Variants in TEX11 observed in about 807,000 individuals in gnomAD.
The protein encoded by TEX11 is testis expressed 11.
In TEX11, 7 loss-of-function variants were observed where a neutral mutation model predicts 84.4. The observed-to-expected ratio is 0.08, with a 90% CI of 0.05 to 0.16. The LOEUF (loss-of-function observed/expected upper bound fraction) is 0.16. Ranked by LOEUF, TEX11 falls within the 10% of genes least tolerant of loss-of-function variation. The probability of loss-of-function intolerance (pLI) is 1.00; values close to 1 mark genes in which losing one functional copy is unlikely to be tolerated. For missense variants in TEX11, 551 were observed against 660.5 expected (o/e 0.83, Z 1.82); for synonymous variants, 264 against 222.8 (o/e 1.18, Z -1.64).
intron 13 of TEX11, among the ~76,000 whole-genome samples, chrX:70,695,253 C>A (rs1458949521): frequency 8.9e-6 from 1 of 112,011 alleles, no homozygotes; most frequent in Non-Finnish European, 1.9e-5. Flanking sequence ...AATAGATAAA[C>A]AAATTGTAGG....
Position 70,848,956 on chromosome X carries a change from C to T in TEX11, c.525+4078G>A, listed in dbSNP as rs150653689. Among the ~76,000 whole-genome samples, 324 of 111,742 alleles carry T rather than the reference C, an allele frequency of 2.9e-3. 2 individuals are homozygous for T. Among genetic ancestry groups the T allele is most frequent in the African/African-American group, 9.8e-3 (301 of 30,800 alleles). On this transcript the variant is annotated intron_variant, in intron 7 of 29. Transcript: ENST00000374333. ...ATGCACACTGCAGAAAGAGGCATTG[C>T]CAGTAACCAAGGGAAATGGGGAATT...
At chrX:70,576,461 G>A (rs369675947) in intron 25 of TEX11, among the ~76,000 whole-genome samples, 1 of 111,984 alleles carries the variant, frequency 8.9e-6, no homozygotes, top group African/African-American at 3.2e-5. Context: ...AATTATTAAA[G>A]TACTATGTAT....
chrX:70,775,160 CCT>C (rs1170706462), intron 9 of TEX11, among the ~76,000 whole-genome samples: 1 of 111,438 alleles, frequency 9.0e-6, no homozygotes, highest in Non-Finnish European at 1.9e-5. Context: ...AAATTGAACC[CCT>C]GTCTCTCACC....
chrX:70,813,307 T>A (rs1224228396), intron 8 of TEX11, among the ~76,000 whole-genome samples: 1 of 111,715 alleles, frequency 9.0e-6, no homozygotes, highest in Non-Finnish European at 1.9e-5. Flanking sequence ...CGCAAATCAA[T>A]GAATGTAATC....
At chrX:70,595,656 A>G (rs1300819029) in intron 24 of TEX11, among the ~76,000 whole-genome samples, 3 of 111,708 alleles carry the variant, frequency 2.7e-5, no homozygotes, top group African/African-American at 9.8e-5. Context: ...TCATTAAAAG[A>G]ACAAAAATGT....
chrX:70,763,973 T>C (rs2090925094), intron 9 of TEX11, among the ~76,000 whole-genome samples: 1 of 112,143 alleles, frequency 8.9e-6, no homozygotes, highest in African/African-American at 3.2e-5. Flanking sequence ...ATTTGCACTA[T>C]AGAACATATG....
chrX:70,565,568 AT>A (rs1198833119), intron 25 of TEX11, among the ~76,000 whole-genome samples: 3 of 111,106 alleles, frequency 2.7e-5, no homozygotes, highest in Non-Finnish European at 5.6e-5. Context: ...TCCATCGTGA[AT>A]TGATTTTTGT....
chrX:70,870,492 C>T (rs758056106), intron 4 of TEX11, among the ~76,000 whole-genome samples: 19 of 110,625 alleles, frequency 1.7e-4, no homozygotes, highest in Non-Finnish European at 2.8e-4. Context: ...CCCACCACCA[C>T]GCATGGCTAA....
chrX:70,650,560 A>G (rs1469509868), intron 17 of TEX11, among the ~76,000 whole-genome samples: 1 of 111,579 alleles, frequency 9.0e-6, no homozygotes, highest in Non-Finnish European at 1.9e-5. Context: ...CAGCAATATT[A>G]ACCTCTAATT....
chrX:70,515,743 T>G, the TEX11 span, among the ~76,000 whole-genome samples: 1 of 112,596 alleles, frequency 8.9e-6, no homozygotes, highest in Non-Finnish European at 1.9e-5. Flanking sequence ...ACCAGCAGTG[T>G]AAAAGTGTTC....
At chrX:70,878,648 A>T (rs1385036840) in intron 3 of TEX11, among the ~76,000 whole-genome samples, 1 of 110,700 alleles carries the variant, frequency 9.0e-6, no homozygotes, top group Non-Finnish European at 1.9e-5. Context: ...AAAAGTTTAG[A>T]GTTAACACAT....
chrX:70,855,245 G>A (rs1251008194), intron 5 of TEX11, among the ~76,000 whole-genome samples: 2 of 110,244 alleles, frequency 1.8e-5, no homozygotes. Flanking sequence ...CAAATAAATA[G>A]ATCATAAATA....
At chrX:70,755,803 G>A (rs986852130) in intron 9 of TEX11, among the ~76,000 whole-genome samples, 6 of 112,406 alleles carry the variant, frequency 5.3e-5, no homozygotes, top group South Asian at 7.4e-4. Context: ...CGCCTCAACC[G>A]GGAAGCACAA....
chrX:70,742,282 C>T (rs979722867), intron 10 of TEX11, among the ~76,000 whole-genome samples: 4 of 109,104 alleles, frequency 3.7e-5, no homozygotes, highest in African/African-American at 1.0e-4. Context: ...ACATCCATAT[C>T]GTTGCAATTA....
At chrX:70,661,450 C>T (rs940295603) in intron 16 of TEX11, among the ~76,000 whole-genome samples, 1 of 112,580 alleles carries the variant, frequency 8.9e-6, no homozygotes, top group African/African-American at 3.2e-5. Flanking sequence ...CCTCTGGGGG[C>T]AGGGCATAGC....
chrX:70,727,949 C>T (rs2090612325), intron 11 of TEX11, among the ~76,000 whole-genome samples: 1 of 112,412 alleles, frequency 8.9e-6, no homozygotes, highest in Non-Finnish European at 1.9e-5. Flanking sequence ...GTTATAACAG[C>T]TCAAGCTAGC....
In TEX11 at chrX:70,876,692, G is replaced by A. The variant is rs989273322; in HGVS notation, c.159+3296C>T. On this transcript the variant is annotated intron_variant, in intron 3 of 29. Coordinates refer to ENST00000374333, the MANE Select transcript of TEX11 (RefSeq NM_031276.3). Reference sequence around the variant, plus strand: ...AATTCTAACACTGGGAGGCCAAAGAGGGCAGATTGCTTGAGCTCAGGATTT... The same window carrying A: ...AATTCTAACACTGGGAGGCCAAAGAAGGCAGATTGCTTGAGCTCAGGATTT... 5.1e-4 allele frequency among the ~76,000 whole-genome samples: 57 copies of A among 111,513 alleles called. 1 individual carries two copies. Among genetic ancestry groups the A allele is most frequent in the Admixed American group, 4.8e-4 (5 of 10,429 alleles).
At chrX:70,548,966 C>G (rs2088175902) in intron 28 of TEX11, among the ~76,000 whole-genome samples, 1 of 111,292 alleles carries the variant, frequency 9.0e-6, no homozygotes, top group Non-Finnish European at 1.9e-5. Context: ...CCTCCCTCAA[C>G]CCCAGGCAGT....
At chrX:70,686,550 G>A (rs1182514725) in intron 13 of TEX11, among the ~76,000 whole-genome samples, 1 of 110,685 alleles carries the variant, frequency 9.0e-6, no homozygotes, top group African/African-American at 3.3e-5. Flanking sequence ...GTGAGGGTGA[G>A]GGGAAGGAGA....
Sources: gnomAD v4.1 joint callset for allele counts (sites outside exome capture counted in the v4.1 genomes callset) on GRCh38, gnomAD v4.1.1 for gene constraint, MANE v1.5 for transcripts, NCBI Gene and HGNC (gene_info 2026-07-23, HGNC 2026-07-21) for gene names.